Variants in SYT17 observed in about 807,000 individuals in gnomAD.
The protein encoded by SYT17 is synaptotagmin 17.
A neutral mutation model predicts 46.7 loss-of-function variants in SYT17; 22 were observed. The observed-to-expected ratio is 0.47, with a 90% CI of 0.34 to 0.67. The LOEUF (loss-of-function observed/expected upper bound fraction) is 0.67, where lower values mean the gene tolerates loss of function less well. Among genes scored for constraint, SYT17 ranks in the 30% least tolerant of loss-of-function variants. The pLI is 0.01. For missense variants in SYT17, 519 were observed against 612.8 expected, an observed-to-expected ratio of 0.85 and a Z score of 1.62; for synonymous variants, 251 against 248.4, an observed-to-expected ratio of 1.01 and a Z score of -0.10.
In SYT17 at chr16:19,267,029, C is replaced by G; in HGVS notation, c.1378C>G (p.Arg460Gly). The stretch of plus-strand genomic sequence containing the variant: ...GGAGCAGTGGCATAGCCTGAGGTCC[C>G]GAGCTGAGTGTGACCGCGTGTCTCC... Reference protein sequence around the residue: ...AVEQWHSLRSRAECDRVSPAS... With the variant: ...AVEQWHSLRSGAECDRVSPAS... The change falls in exon 8 of 8, where the codon CGA (arginine) becomes GGA (glycine). Residue 460 changes from arginine to glycine, a missense_variant. Physicochemically the swap from Arg to Gly is moderately radical, Grantham distance 125 (BLOSUM62 -2). Transcript: ENST00000355377. 1 of 1,612,364 alleles carries G rather than the reference C, an allele frequency of 6.2e-7. No homozygotes were observed. Among genetic ancestry groups the G allele is most frequent in the Non-Finnish European group, 8.5e-7 (1 of 1,179,878 alleles).
At chr16:19,231,438 G>A (rs1966678679) in intron 7 of SYT17, among the ~76,000 whole-genome samples, 1 of 150,134 alleles carries the variant, frequency 6.7e-6, no homozygotes. Context: ...GGGCATGGTG[G>A]CGGGTGCCTG....
chr16:19,224,030 T>A (rs966812616), intron 6 of SYT17, among the ~76,000 whole-genome samples: 1 of 152,258 alleles, frequency 6.6e-6, no homozygotes, highest in African/African-American at 2.4e-5. Flanking sequence ...AGTATTCATC[T>A]TGATAAGTTG....
intron 5 of SYT17, among the ~76,000 whole-genome samples, chr16:19,203,480 T>C (rs994260684): frequency 6.6e-6 from 1 of 152,156 alleles, no homozygotes; most frequent in African/African-American, 2.4e-5. Flanking sequence ...AGAAGCAAGG[T>C]GCTCAGCCCC....
chr16:19,183,992 T>C lies in SYT17; in HGVS notation c.796T>C (p.Phe266Leu). ...GGAGCGCTACACCTTCGAGATCCCCTTCCTGGAGGCCCAGAGGAGGACCCT... is the reference window on the plus strand; with the variant it reads ...GGAGCGCTACACCTTCGAGATCCCCCTCCTGGAGGCCCAGAGGAGGACCCT... ...FEERYTFEIP[F>L]LEAQRRTLLL... Residue 266 changes from phenylalanine (F) to leucine (L), a missense_variant, in exon 5 of 8, where the codon TTC becomes CTC. Transcript: ENST00000355377. The surrounding 1 kb of genome is among the most constrained non-coding windows in gnomAD (Gnocchi z 5.6). The C allele has an allele frequency of 2.5e-6, 4 of 1,614,160 alleles. No homozygotes were observed. The South Asian group carries it at 4.4e-5, about 18-fold the overall frequency.
At chr16:19,262,590 C>CCTAATTCCTTGCTCCTCTGGCAACTG (rs372437445) in intron 7 of SYT17, among the ~76,000 whole-genome samples, 5,317 of 152,238 alleles carry the variant, frequency 0.035, 279 homozygotes, top group African/African-American at 0.12. Flanking sequence ...TGGAGTTATA[C>CCTAATTCCTTGCTCCTCTGGCAACTG]GAGCAGTGCC....
intron 5 of SYT17, among the ~76,000 whole-genome samples, chr16:19,195,215 C>A (rs903372090): frequency 1.2e-4 from 19 of 152,116 alleles, no homozygotes; most frequent in African/African-American, 4.6e-4. Context: ...ATTATTATCA[C>A]CCCATTTTAT....
At chr16:19,202,902 A>G (rs1029764060) in intron 5 of SYT17, among the ~76,000 whole-genome samples, 4 of 151,794 alleles carry the variant, frequency 2.6e-5, no homozygotes, top group African/African-American at 9.7e-5. Context: ...ATTTTTTTCT[A>G]TTTTTTGTAG....
At chr16:19,172,642 T>C in intron 1 of SYT17, 118 bp from the exon 2 acceptor site, 1 of 1,549,240 alleles carries the variant, frequency 6.5e-7, no homozygotes, top group Non-Finnish European at 8.7e-7. Flanking sequence ...GGGCTTTTTT[T>C]TTTTTTTGTA....
At position 19,175,635 on chromosome 16, in the gene SYT17, A is replaced by C. The variant is rs565801445; in HGVS notation, c.182+2057A>C. 1.6e-3 allele frequency among the ~76,000 whole-genome samples: 215 copies of C among 137,546 alleles called. 3 individuals are homozygous for C. Among genetic ancestry groups the C allele is most frequent in the African/African-American group, 5.5e-3 (199 of 36,070 alleles). The allele number at this position is 137,546 out of a possible 152,430, so 90.2% of individuals were successfully genotyped here. The stretch of plus-strand genomic sequence containing the variant: ...CACTGCAGTCCAGCTTGCGCAACAG[A>C]GCAAGACTTCAAAAAAAAAAAAAAA... On this transcript the variant is annotated intron_variant, in intron 3 of 7. Transcript: ENST00000355377.
chr16:19,203,547 G>T (rs1408963414), intron 5 of SYT17, among the ~76,000 whole-genome samples: 6 of 152,232 alleles, frequency 3.9e-5, no homozygotes, highest in African/African-American at 1.4e-4. Flanking sequence ...TGTTTATTTA[G>T]TCAGCATGTT....
At chr16:19,254,311 C>A (rs1968403318) in intron 7 of SYT17, among the ~76,000 whole-genome samples, 1 of 152,012 alleles carries the variant, frequency 6.6e-6, no homozygotes. Flanking sequence ...AGGATCGGGC[C>A]CCTTTCTACA....
At chr16:19,266,063 T>A (rs867626632) in intron 7 of SYT17, among the ~76,000 whole-genome samples, 91 of 152,362 alleles carry the variant, frequency 6.0e-4, no homozygotes, top group African/African-American at 2.0e-3. Context: ...TTTACACACA[T>A]TATTTCATAG....
In SYT17 at chr16:19,183,384, T is replaced by A; in HGVS notation, c.332-144T>A. The A allele has an allele frequency of 8.4e-7, 1 of 1,196,092 alleles. No homozygotes were observed. Among genetic ancestry groups the A allele is most frequent in the South Asian group, 1.5e-5 (1 of 67,932 alleles). The allele number at this position is 1,196,092 out of a possible 1,614,324, so 74.1% of individuals were successfully genotyped here. A position where few individuals can be genotyped will look rare whatever the true frequency, so the allele number is the denominator to read the frequency against. ...TGCCACCAAACTATCTGTCACAGAA[T>A]CAGTGAGTATTTCAGAGTGTGGAGA... is the stretch of plus-strand genomic sequence containing the variant. On this transcript the variant is annotated intron_variant, in intron 4 of 7. Coordinates refer to ENST00000355377, the MANE Select transcript of SYT17 (RefSeq NM_016524.4). The surrounding 1 kb of genome is among the most constrained non-coding windows in gnomAD (Gnocchi z 5.6).
At chr16:19,221,936 G>C (rs1266954421) in intron 5 of SYT17, among the ~76,000 whole-genome samples, 1 of 152,158 alleles carries the variant, frequency 6.6e-6, no homozygotes, top group East Asian at 1.9e-4. Context: ...TTGAATGAAG[G>C]TGTAAGTGAG....
In SYT17 at chr16:19,168,559, T is replaced by C. The variant is rs931209106; in HGVS notation, c.-88T>C. 3.9e-6 allele frequency: 6 copies of C among 1,532,872 alleles called. No homozygotes were observed. The highest frequency in any genetic ancestry group is 5.3e-6 in the Non-Finnish European group (6 of 1,134,832). 95.0% of individuals were successfully genotyped at this position (1,532,872 alleles called of 1,614,324 possible). ...GGCTGCCTTTTTCTTCCTTTCCCCC[T>C]TTGCTTTCTTCCCCCTCCGCTGTTG... On this transcript the variant is annotated 5_prime_UTR_variant, in exon 1 of 8. Coordinates refer to ENST00000355377, the MANE Select transcript of SYT17 (RefSeq NM_016524.4). The surrounding 1 kb of genome is among the most constrained non-coding windows in gnomAD (Gnocchi z 6.9).
chr16:19,182,495 T>TA lies in SYT17; in HGVS notation c.332-1032dup, dbSNP rs1173418118. Among the ~76,000 whole-genome samples, 5 of 152,366 alleles carry TA rather than the reference T, an allele frequency of 3.3e-5. No homozygotes were observed. In the East Asian group the frequency reaches 7.7e-4, roughly 23 times the overall value. ...TCGTGGCTGCCAGAACATTTTAAGT[T>TA]ACATGTGTGGCTTGCATTTCTGGCT... On this transcript the variant is annotated intron_variant, in intron 4 of 7. Transcript: ENST00000355377.
chr16:19,266,421 G>T (rs377461263), intron 7 of SYT17, among the ~76,000 whole-genome samples: 3 of 152,198 alleles, frequency 2.0e-5, no homozygotes, highest in Non-Finnish European at 4.4e-5. Flanking sequence ...GGATTATCCC[G>T]CCCATAATGT....
intron 7 of SYT17, among the ~76,000 whole-genome samples, chr16:19,264,904 T>C (rs531922276): frequency 1.3e-5 from 2 of 152,290 alleles, no homozygotes; most frequent in East Asian, 3.9e-4. Flanking sequence ...AGAATTTCCT[T>C]TCTTAAAGCC....
intron 7 of SYT17, among the ~76,000 whole-genome samples, chr16:19,252,243 T>C (rs1011059148): frequency 1.3e-5 from 2 of 149,030 alleles, no homozygotes; most frequent in African/African-American, 5.0e-5. Flanking sequence ...AAAGAAAACA[T>C]AAATGTTGCA....
Sources: gnomAD v4.1 joint callset for allele counts (sites outside exome capture counted in the v4.1 genomes callset) on GRCh38, gnomAD v4.1.1 for gene constraint, Gnocchi (gnomAD v3.1) non-coding constraint, MANE v1.5 for transcripts, NCBI Gene and HGNC (gene_info 2026-07-23, HGNC 2026-07-21) for gene names.